PNPT1: variants seen among roughly 807,000 people sequenced by gnomAD.
PNPT1 encodes the protein polyribonucleotide nucleotidyltransferase 1, mitochondrial.
A neutral mutation model predicts 119.5 loss-of-function variants in PNPT1; 53 were observed. The ratio of observed to expected loss-of-function variants is 0.44; its 90% CI spans 0.36 to 0.56. PNPT1 has a LOEUF of 0.56. PNPT1 is among the 20% of genes least tolerant of loss of function. PNPT1 has a pLI of 0.00. For synonymous variants in PNPT1, 357 were observed against 322.1 expected (o/e 1.11, Z -1.16); for missense variants, 948 against 938.5 (o/e 1.01, Z -0.13).
intron 27 of PNPT1, among the ~76,000 whole-genome samples, 191 bp from the exon 28 acceptor site, chr2:55,636,583 G>A (rs968717528): frequency 2.6e-5 from 4 of 152,206 alleles, no homozygotes; most frequent in Non-Finnish European, 4.4e-5. Context: ...AGAGAAAAGA[G>A]ACGGGGCAGT....
intron 18 of PNPT1, among the ~76,000 whole-genome samples, chr2:55,653,976 C>T (rs371887834): frequency 9.2e-5 from 14 of 152,118 alleles, no homozygotes; most frequent in Middle Eastern, 3.4e-3. Flanking sequence ...AATCTCCTAG[C>T]GGCCAGGTGT....
intron 5 of PNPT1, among the ~76,000 whole-genome samples, chr2:55,681,173 G>A (rs956244449): frequency 6.6e-6 from 1 of 152,122 alleles, no homozygotes; most frequent in African/African-American, 2.4e-5. Flanking sequence ...TTGGGAGGCT[G>A]AGGAGGGCGG....
intron 26 of PNPT1, 96 bp downstream of exon 26, chr2:55,640,531 G>T (rs1029789235): frequency 9.5e-7 from 1 of 1,054,454 alleles, no homozygotes; most frequent in South Asian, 1.3e-5. Context: ...TAGGCTAGTA[G>T]TAGGCAAAGT....
chr2:55,639,141 T>TA (rs1208435349), intron 26 of PNPT1, among the ~76,000 whole-genome samples: 2 of 152,216 alleles, frequency 1.3e-5, no homozygotes, highest in East Asian at 3.8e-4. Flanking sequence ...ATAGTTTATT[T>TA]AAACAATCAC....
chr2:55,672,565 C>A (rs780123969), intron 9 of PNPT1, among the ~76,000 whole-genome samples: 4 of 152,228 alleles, frequency 2.6e-5, no homozygotes, highest in Non-Finnish European at 5.9e-5. Flanking sequence ...CCTCTGATTT[C>A]TTTTTGAGAA....
chr2:55,651,334 G>A (rs1182699520), intron 18 of PNPT1, among the ~76,000 whole-genome samples: 1 of 151,982 alleles, frequency 6.6e-6, no homozygotes, highest in African/African-American at 2.4e-5. Flanking sequence ...GAATAGAAAG[G>A]GGGGAAAGGT....
intron 2 of PNPT1, 27 bp downstream of exon 2, chr2:55,687,618 T>A (rs1425590285): frequency 3.3e-6 from 5 of 1,536,074 alleles, no homozygotes; most frequent in Non-Finnish European, 3.5e-6. Flanking sequence ...ATTTTTAAGA[T>A]GAATTTTAAA....
In PNPT1 at chr2:55,670,250, G is replaced by A. The variant is rs533368805; in HGVS notation, c.976+1069C>T. On this transcript the variant is annotated intron_variant, in intron 11 of 27. Coordinates refer to ENST00000447944, the MANE Select transcript of PNPT1 (RefSeq NM_033109.5). ...TGCCCAAGCTGGAGTGCAGTGGCGC[G>A]ATCTCGACTCGCTGCAAGCTCCACC... 9.9e-5 allele frequency among the ~76,000 whole-genome samples: 15 copies of A among 151,816 alleles called. No homozygotes were observed. In the South Asian group the frequency reaches 2.9e-3, roughly 29 times the overall value.
intron 21 of PNPT1, 121 bp downstream of exon 21, chr2:55,646,138 G>A (rs1695995526): frequency 1.0e-6 from 1 of 998,194 alleles, no homozygotes; most frequent in Non-Finnish European, 1.5e-6. Context: ...AGTACTTCTT[G>A]ATCTAAGTTA....
intron 13 of PNPT1, 102 bp downstream of exon 13, chr2:55,666,889 A>G (rs1696748107): frequency 1.5e-6 from 1 of 686,408 alleles, no homozygotes; most frequent in Admixed American, 3.5e-5. Context: ...TAAATAATAT[A>G]CACCATATGA....
rs1486494215 is a variant in PNPT1 at position 55,634,476 on chromosome 2, G to A, written c.*1761C>T. On this transcript the variant is annotated 3_prime_UTR_variant, in exon 28 of 28. Coordinates refer to ENST00000447944, the MANE Select transcript of PNPT1 (RefSeq NM_033109.5). ...GGGGTTTTACCGTGTTGGCCAGGCT[G>A]GTCTTGAATTCCTGACCTCATGTAA... 6.6e-6 allele frequency: 1 copy of A among 151,528 alleles called. No homozygotes were observed. Among genetic ancestry groups the A allele is most frequent in the Non-Finnish European group, 1.5e-5 (1 of 67,968 alleles). 9.4% of individuals were successfully genotyped at this position (151,528 alleles called of 1,614,324 possible).
At chr2:55,656,276 C>T (rs1214471937) in intron 16 of PNPT1, 29 bp downstream of exon 16, 1 of 1,610,782 alleles carries the variant, frequency 6.2e-7, no homozygotes, top group Non-Finnish European at 8.5e-7. Context: ...TGTAAGAATA[C>T]CGTATTAAGT....
rs766839497 is a variant in PNPT1, at chr2:55,667,908, C to A, written c.1027G>T (p.Val343Phe). The stretch of plus-strand genomic sequence containing the variant: ...ATACTTCTAAAAACTTCCTTTGCAA[C>A]AACATTGAAGGATTCTATTATTTCA... ...PYEIIESFNV[V>F]AKEVFRSIVL... Residue 343 changes from valine (V) to phenylalanine (F), a missense_variant, in exon 12 of 28, where the codon GTT (valine) becomes TTT (phenylalanine). Transcript: ENST00000447944. 3.2e-6 allele frequency: 5 copies of A among 1,583,688 alleles called. No individual in the cohort carries two copies. The highest frequency in any genetic ancestry group is 2.3e-5 in the South Asian group (2 of 85,384).
At chr2:55,684,875 G>T in intron 4 of PNPT1, 68 bp downstream of exon 4, 1 of 1,386,916 alleles carries the variant, frequency 7.2e-7, no homozygotes, top group Non-Finnish European at 9.5e-7. Flanking sequence ...GTAGAACACA[G>T]ATGCAAGAGA....
intron 15 of PNPT1, 57 bp from the exon 16 acceptor site, chr2:55,656,428 G>T: frequency 7.0e-7 from 1 of 1,433,904 alleles, no homozygotes; most frequent in Non-Finnish European, 9.5e-7. Context: ...AGATGTCCAA[G>T]TTATATTACC....
At chr2:55,640,006 C>T (rs896908065) in intron 26 of PNPT1, among the ~76,000 whole-genome samples, 1 of 152,124 alleles carries the variant, frequency 6.6e-6, no homozygotes, top group Non-Finnish European at 1.5e-5. Context: ...TATTCACTGA[C>T]TATAATACAA....
At chr2:55,673,118 G>A (rs1381738298) in intron 8 of PNPT1, 39 bp from the exon 9 acceptor site, 14 of 1,440,988 alleles carry the variant, frequency 9.7e-6, no homozygotes, top group African/African-American at 4.4e-5. Context: ...GACTGCCATC[G>A]AAGCTCTTAG....
At position 55,672,009 on chromosome 2, in the gene PNPT1, A is replaced by G. The variant is rs187922600; in HGVS notation, c.904T>C (p.Tyr302His). 1.4e-5 allele frequency: 22 copies of G among 1,602,446 alleles called. No individual in the cohort carries two copies. The highest frequency in any genetic ancestry group is 8.6e-5 in the Admixed American group (5 of 58,112). Residue 302 changes from tyrosine to histidine, a missense_variant, in exon 10 of 28, where the codon TAC (tyrosine) becomes CAC (histidine). Physicochemically the swap from Tyr to His is moderately conservative, Grantham distance 83. Coordinates refer to ENST00000447944, the MANE Select transcript of PNPT1 (RefSeq NM_033109.5). ...GGTATACCTACTTTGTCATGCTCGT[A>G]ATCTGTAAAAACTGCATAGAGTCTC... ...MERLYAVFTD[Y>H]EHDKVSRDEA...
At chr2:55,647,516 C>T (rs1696039572) in intron 18 of PNPT1, 63 bp from the exon 19 acceptor site, 8 of 1,288,496 alleles carry the variant, frequency 6.2e-6, no homozygotes, top group Non-Finnish European at 8.6e-6. Context: ...AAATATTTAT[C>T]TATCAATTTT....
Sources: gnomAD v4.1 joint callset for allele counts (sites outside exome capture counted in the v4.1 genomes callset) on GRCh38, gnomAD v4.1.1 for gene constraint, MANE v1.5 for transcripts, NCBI Gene and HGNC (gene_info 2026-07-23, HGNC 2026-07-21) for gene names.